The following RERE variants were observed in gnomAD, a reference collection of about 807,000 sequenced individuals.
The protein encoded by RERE is arginine-glutamic acid dipeptide repeats, also known as arginine-glutamic acid dipeptide repeats protein.
A neutral mutation model predicts 146.1 loss-of-function variants in RERE; 40 were observed. The ratio of observed to expected loss-of-function variants is 0.27; its 90% CI spans 0.21 to 0.36. RERE has a LOEUF of 0.36. Ranked by LOEUF, RERE falls within the 10% of genes least tolerant of loss-of-function variation. The pLI is 1.00. For missense variants in RERE, 1,933 were observed against 2,138.7 expected, an observed-to-expected ratio of 0.90 and a Z score of 1.90; for synonymous variants, 1,003 against 866.0, an observed-to-expected ratio of 1.16 and a Z score of -2.78.
chr1:8,676,998 T>C (rs958211023), intron 1 of RERE, among the ~76,000 whole-genome samples: 8 of 152,150 alleles, frequency 5.3e-5, no homozygotes, highest in Non-Finnish European at 1.2e-4. Context: ...AGCCTCCCCC[T>C]TGACTCTCCA....
In RERE at chr1:8,769,470, T is replaced by C. The variant is rs188681248; in HGVS notation, c.-145+47690A>G. Among the ~76,000 whole-genome samples the C allele has an allele frequency of 1.1e-3, 171 of 152,242 alleles. 1 individual carries two copies. Among genetic ancestry groups the C allele is most frequent in the African/African-American group, 2.0e-3 (82 of 41,538 alleles). On this transcript the variant is annotated intron_variant, in intron 1 of 22. Transcript: ENST00000400908. ...TAAAACTCCAAACCACTATAAAGGA[T>C]GTAAAACACATCATTTTGGTTTGTT...
intron 1 of RERE, among the ~76,000 whole-genome samples, chr1:8,687,576 T>G (rs1438465890): frequency 6.6e-6 from 1 of 152,234 alleles, no homozygotes; most frequent in East Asian, 1.9e-4. Context: ...TAAAAAATTC[T>G]CTAACAAACT....
chr1:8,808,400 A>T (rs1641730643), intron 1 of RERE, among the ~76,000 whole-genome samples: 1 of 152,186 alleles, frequency 6.6e-6, no homozygotes, highest in South Asian at 2.1e-4. Context: ...ATAAACAACA[A>T]AGAGAACATA....
intron 7 of RERE, among the ~76,000 whole-genome samples, chr1:8,523,156 A>G (rs1645525886): frequency 6.6e-6 from 1 of 152,064 alleles, no homozygotes; most frequent in Admixed American, 6.6e-5. Context: ...ACACCACTGC[A>G]CTCCATCCAG....
intron 1 of RERE, among the ~76,000 whole-genome samples, chr1:8,768,437 C>T (rs752860340): frequency 6.6e-6 from 1 of 152,114 alleles, no homozygotes; most frequent in African/African-American, 2.4e-5. Context: ...GAATTCTAGA[C>T]GAGTATTGTC....
chr1:8,365,538 G>A (rs747868319), intron 13 of RERE, among the ~76,000 whole-genome samples: 13 of 152,212 alleles, frequency 8.5e-5, no homozygotes, highest in Non-Finnish European at 1.6e-4. Flanking sequence ...AGGCCAAGAC[G>A]TGTATTTTTT....
chr1:8,783,031 C>T (rs921051521), intron 1 of RERE, among the ~76,000 whole-genome samples: 16 of 152,112 alleles, frequency 1.1e-4, no homozygotes, highest in Admixed American at 2.0e-4. Flanking sequence ...CAACCCCTAC[C>T]CTACAGTGAA....
chr1:8,808,147 CAAAAAAAAAAAAA>C (rs778069782), intron 1 of RERE, among the ~76,000 whole-genome samples: 1 of 53,168 alleles, frequency 1.9e-5, no homozygotes, highest in Non-Finnish European at 4.0e-5. Context: ...GACCTTGTCT[CAAAAAAAAAAAAA>C]AAAAAAAAAA....
chr1:8,536,944 T>C (rs1251173542), intron 7 of RERE, among the ~76,000 whole-genome samples: 1 of 152,182 alleles, frequency 6.6e-6, no homozygotes, highest in African/African-American at 2.4e-5. Context: ...GGCTCATACC[T>C]GTACTCCCAG....
chr1:8,510,281 C>T (rs1645317159), intron 7 of RERE, among the ~76,000 whole-genome samples: 1 of 151,908 alleles, frequency 6.6e-6, no homozygotes, highest in South Asian at 2.1e-4. Flanking sequence ...AATGAGGCGG[C>T]TTCAAGAGAA....
intron 1 of RERE, among the ~76,000 whole-genome samples, chr1:8,778,064 G>A (rs1393742015): frequency 6.6e-6 from 1 of 152,000 alleles, no homozygotes; most frequent in Admixed American, 6.6e-5. Flanking sequence ...GAATACAGCA[G>A]CTCAATCATT....
chr1:8,814,054 C>T (rs1167369409), intron 1 of RERE, among the ~76,000 whole-genome samples: 1 of 152,160 alleles, frequency 6.6e-6, no homozygotes, highest in African/African-American at 2.4e-5. Context: ...TGTGACAAAA[C>T]ACTGATGGAG....
chr1:8,424,987 C>T (rs952462234), intron 11 of RERE: 4 of 152,392 alleles, frequency 2.6e-5, no homozygotes, highest in Non-Finnish European at 5.9e-5. Context: ...GCAGAGAGCC[C>T]TTCAGGCCGC....
intron 4 of RERE, among the ~76,000 whole-genome samples, chr1:8,586,250 G>A (rs1004018112): frequency 6.6e-6 from 1 of 150,984 alleles, no homozygotes; most frequent in South Asian, 2.1e-4. Flanking sequence ...AAACTATAGT[G>A]TACAGACATC....
chr1:8,656,838 C>T (rs900544282), intron 1 of RERE, among the ~76,000 whole-genome samples: 5 of 152,242 alleles, frequency 3.3e-5, no homozygotes, highest in African/African-American at 9.6e-5. Flanking sequence ...CCAGGCCAGG[C>T]ACTGCGGCTC....
At chr1:8,724,555 T>G (rs187113535) in intron 1 of RERE, among the ~76,000 whole-genome samples, 1 of 152,202 alleles carries the variant, frequency 6.6e-6, no homozygotes, top group Non-Finnish European at 1.5e-5. Context: ...GCTTTAAAAT[T>G]TTACCTTCTG....
rs369354023 is a variant in RERE, at chr1:8,752,601, C to T, written c.-145+64559G>A. Among the ~76,000 whole-genome samples, 20 of 152,276 alleles carry T rather than the reference C, an allele frequency of 1.3e-4. 1 individual carries two copies. In the East Asian group the frequency reaches 1.4e-3, roughly 10 times the overall value. On this transcript the variant is annotated intron_variant, in intron 1 of 22. Coordinates refer to ENST00000400908, the MANE Select transcript of RERE (RefSeq NM_001042681.2). ...ACTGACAAACTGAGAGATAACGTAA[C>T]TTGTACTCATCGTAAGGCTGTAGAT...
intron 6 of RERE, among the ~76,000 whole-genome samples, chr1:8,553,247 T>A (rs969576094): frequency 5.7e-5 from 8 of 141,262 alleles, no homozygotes; most frequent in Non-Finnish European, 9.2e-5. Flanking sequence ...CACATGCATA[T>A]GAGACACTGC....
chr1:8,683,481 A>G (rs1236982407), intron 1 of RERE, among the ~76,000 whole-genome samples: 1 of 152,160 alleles, frequency 6.6e-6, no homozygotes, highest in Non-Finnish European at 1.5e-5. Flanking sequence ...TCAGAGACAC[A>G]CAGAAATTCT....
Sources: gnomAD v4.1 joint callset for allele counts (sites outside exome capture counted in the v4.1 genomes callset) on GRCh38, gnomAD v4.1.1 for gene constraint, MANE v1.5 for transcripts, NCBI Gene and HGNC (gene_info 2026-07-23, HGNC 2026-07-21) for gene names.